The following LOC730098 variants were observed in gnomAD, a reference collection of about 807,000 sequenced individuals.
the LOC730098 span, chr9:34,666,010 C>G: frequency 2.7e-6 from 1 of 369,000 alleles, no homozygotes; most frequent in African/African-American, 2.1e-5. Context: ...TCAGCGCAGC[C>G]TAAACTCCCG....
At chr9:34,665,697 T>C in the LOC730098 span, 1 of 700,718 alleles carries the variant, frequency 1.4e-6, no homozygotes, top group African/African-American at 1.7e-5. Flanking sequence ...AGCGGCATGA[T>C]TGAATCAGGG....
chr9:34,664,742 C>G, the LOC730098 span: 1 of 338,390 alleles, frequency 3.0e-6, no homozygotes, highest in Non-Finnish European at 5.3e-6. Context: ...AGAGAAGATT[C>G]TTCAGACAGC....
At chr9:34,665,342 A>AG in the LOC730098 span, 1 of 545,492 alleles carries the variant, frequency 1.8e-6, no homozygotes, top group African/African-American at 2.0e-5. Flanking sequence ...ATGCGAAGCC[A>AG]GGGGAAAAAG....
the LOC730098 span, chr9:34,665,925 T>G: frequency 1.3e-5 from 7 of 533,152 alleles, no homozygotes; most frequent in Non-Finnish European, 1.7e-5. Context: ...TTGGCGGTCA[T>G]GGGGCTGGGA....
the LOC730098 span, chr9:34,664,247 A>G: frequency 3.3e-5 from 5 of 152,304 alleles, no homozygotes; most frequent in East Asian, 1.9e-4. Flanking sequence ...CAGAAAACAA[A>G]TGCTTTTGGG....
the LOC730098 span, chr9:34,665,067 G>A: frequency 3.3e-6 from 2 of 600,430 alleles, no homozygotes; most frequent in East Asian, 2.8e-5. Context: ...GCTGGGCAGC[G>A]GCGGTGGGGC....
At chr9:34,665,283 G>T in the LOC730098 span, 3 of 702,226 alleles carry the variant, frequency 4.3e-6, no homozygotes, top group Non-Finnish European at 5.2e-6. Context: ...TCCATGCCCG[G>T]GGCGGGTCCG....
At chr9:34,665,950 G>A in the LOC730098 span, 3 of 512,388 alleles carry the variant, frequency 5.9e-6, no homozygotes, top group African/African-American at 2.0e-5. Context: ...TGGGGCCCTG[G>A]GTGAGGATTT....
the LOC730098 span, chr9:34,664,633 G>T: frequency 6.2e-6 from 1 of 161,828 alleles, no homozygotes; most frequent in African/African-American, 2.4e-5. Flanking sequence ...AACCCAAGTC[G>T]CTCCTCTGTG....
At chr9:34,665,528 G>GCCCCCCCCCCCCCCCCC in the LOC730098 span, 1 of 679,852 alleles carries the variant, frequency 1.5e-6, no homozygotes, top group South Asian at 1.5e-5. Context: ...GGCTCGCCCT[G>GCCCCCCCCCCCCCCCCC]CCCACCCCTC....
chr9:34,665,498 T>TCGCGCCCACGCCCCTGGGAGG, the LOC730098 span: 1 of 697,474 alleles, frequency 1.4e-6, no homozygotes, highest in South Asian at 1.5e-5. Context: ...GCGGCTCCCT[T>TCGCGCCCACGCCCCTGGGAGG]CGCGCCCACG....
chr9:34,665,248 A>G, the LOC730098 span: 1 of 697,332 alleles, frequency 1.4e-6, no homozygotes, highest in Non-Finnish European at 2.6e-6. Flanking sequence ...ATTCCCCCCG[A>G]TGGGTCCTCA....
the LOC730098 span, chr9:34,664,656 T>C: frequency 5.8e-5 from 10 of 171,314 alleles, no homozygotes; most frequent in Non-Finnish European, 1.1e-4. Flanking sequence ...AGGCAGCTTC[T>C]AGGAATCTCC....
the LOC730098 span, chr9:34,665,569 C>T: frequency 4.3e-6 from 3 of 700,658 alleles, no homozygotes; most frequent in East Asian, 2.7e-5. Context: ...TCCCCCACCC[C>T]GGAGCCGCCT....
the LOC730098 span, chr9:34,664,583 G>C: frequency 1.3e-5 from 2 of 154,254 alleles, no homozygotes; most frequent in Non-Finnish European, 2.9e-5. Context: ...TCAGACTGGA[G>C]GAGCCAAAAG....
chr9:34,664,915 G>A, the LOC730098 span: 2 of 464,370 alleles, frequency 4.3e-6, no homozygotes, highest in Admixed American at 7.6e-5. Flanking sequence ...ACGTGGAAGG[G>A]CACCCTTCCA....
the LOC730098 span, chr9:34,665,528 G>C: frequency 2.9e-5 from 20 of 679,788 alleles, no homozygotes; most frequent in African/African-American, 5.5e-5. Context: ...GGCTCGCCCT[G>C]CCCACCCCTC....
At chr9:34,665,277 T>C in the LOC730098 span, 37,616 of 701,992 alleles carry the variant, frequency 0.054, 1,189 homozygotes, top group South Asian at 0.071. Context: ...GTCCCGTCCA[T>C]GCCCGGGGCG....
chr9:34,665,068 G>A, the LOC730098 span: 1 of 601,108 alleles, frequency 1.7e-6, no homozygotes, highest in Non-Finnish European at 3.0e-6. Context: ...CTGGGCAGCG[G>A]CGGTGGGGCT....
Sources: gnomAD v4.1 joint callset for allele counts on GRCh38, gnomAD v4.1.1 for gene constraint, MANE v1.5 for transcripts.